WDR72: variants seen among roughly 807,000 people sequenced by gnomAD.
WDR72 encodes the protein WD repeat-containing protein 72.
WDR72 carries 120 observed loss-of-function variants against 124.2 expected under a neutral mutation model. The ratio of observed to expected loss-of-function variants is 0.97; its 90% CI spans 0.83 to 1.12. The LOEUF (loss-of-function observed/expected upper bound fraction) is 1.12. WDR72 is among the 50% of genes most tolerant of loss of function. WDR72 has a pLI of 0.00. For synonymous variants in WDR72, 452 were observed against 441.7 expected, an observed-to-expected ratio of 1.02 and a Z score of -0.29; for missense variants, 1,387 against 1,278.8, an observed-to-expected ratio of 1.08 and a Z score of -1.29.
intron 14 of WDR72, among the ~76,000 whole-genome samples, chr15:53,626,143 C>T (rs528670866): frequency 6.6e-5 from 10 of 152,252 alleles, no homozygotes; most frequent in African/African-American, 1.7e-4. Flanking sequence ...TCCAAAATAG[C>T]GGCAGGCCAC....
intron 1 of WDR72, among the ~76,000 whole-genome samples, chr15:53,744,517 G>C (rs1304248881): frequency 6.6e-6 from 1 of 152,120 alleles, no homozygotes; most frequent in African/African-American, 2.4e-5. Flanking sequence ...AATATATTTT[G>C]AAATAGAAAT....
chr15:53,575,500 G>T (rs1482149030), intron 18 of WDR72, among the ~76,000 whole-genome samples: 1 of 152,012 alleles, frequency 6.6e-6, no homozygotes, highest in Non-Finnish European at 1.5e-5. Context: ...TTACTACCAG[G>T]TATAAAGATG....
rs576983548 is a variant in WDR72 at position 53,740,845 on chromosome 15, C to A, written c.-12-7684G>T. ...ATTTTGTCCCTCTGAGCCTCAGTTT[C>A]CTCATCTATAATATGTGAACAATAA... On this transcript the variant is annotated intron_variant, in intron 1 of 19. Coordinates refer to ENST00000360509, the MANE Select transcript of WDR72 (RefSeq NM_182758.4). Among the ~76,000 whole-genome samples the A allele has an allele frequency of 3.9e-5, 6 of 152,272 alleles. No individual in the cohort carries two copies. The South Asian group carries it at 1.2e-3, about 32-fold the overall frequency.
chr15:53,641,869 T>A (rs1298877911), intron 14 of WDR72, among the ~76,000 whole-genome samples: 1 of 151,906 alleles, frequency 6.6e-6, no homozygotes, highest in Non-Finnish European at 1.5e-5. Flanking sequence ...CTATTAATAT[T>A]TTATATGCAG....
intron 11 of WDR72, among the ~76,000 whole-genome samples, chr15:53,702,558 C>T (rs763446427): frequency 2.0e-5 from 3 of 152,142 alleles, no homozygotes. Context: ...TGATGAAGCA[C>T]TACAGTTAGT....
At chr15:53,754,153 G>C (rs1465160462) in intron 1 of WDR72, among the ~76,000 whole-genome samples, 1 of 152,066 alleles carries the variant, frequency 6.6e-6, no homozygotes, top group Non-Finnish European at 1.5e-5. Flanking sequence ...ACTAAAGACT[G>C]TTTAGTCTAA....
intron 18 of WDR72, among the ~76,000 whole-genome samples, chr15:53,538,621 G>A (rs538659676): frequency 7.2e-5 from 11 of 152,110 alleles, no homozygotes; most frequent in African/African-American, 2.7e-4. Flanking sequence ...TGGGTGATGC[G>A]GAATGCATTA....
chr15:53,605,010 A>G (rs956086992), intron 17 of WDR72, among the ~76,000 whole-genome samples: 1 of 152,246 alleles, frequency 6.6e-6, no homozygotes, highest in African/African-American at 2.4e-5. Flanking sequence ...AGGAATATAA[A>G]TCATTCTATT....
intron 18 of WDR72, among the ~76,000 whole-genome samples, chr15:53,574,210 T>A (rs1320146046): frequency 6.6e-6 from 1 of 152,202 alleles, no homozygotes; most frequent in African/African-American, 2.4e-5. Context: ...AATTTAGCAG[T>A]AGGCATTGCT....
At chr15:53,625,992 T>A (rs1267952553) in intron 14 of WDR72, among the ~76,000 whole-genome samples, 1 of 152,188 alleles carries the variant, frequency 6.6e-6, no homozygotes, top group East Asian at 1.9e-4. Context: ...AAACGTACTT[T>A]CTAGCAACAT....
At chr15:53,746,692 T>C (rs1355437739) in intron 1 of WDR72, among the ~76,000 whole-genome samples, 3 of 152,186 alleles carry the variant, frequency 2.0e-5, no homozygotes, top group Non-Finnish European at 4.4e-5. Flanking sequence ...GATTTTTTTT[T>C]TCCAGAAAAC....
intron 19 of WDR72, among the ~76,000 whole-genome samples, chr15:53,521,959 G>A (rs567583223): frequency 1.3e-5 from 2 of 152,088 alleles, no homozygotes; most frequent in East Asian, 3.9e-4. Context: ...TATGGCAAGG[G>A]GTGGGGTTAA....
intron 18 of WDR72, among the ~76,000 whole-genome samples, chr15:53,543,655 T>C (rs1381643030): frequency 6.6e-6 from 1 of 150,942 alleles, no homozygotes; most frequent in Admixed American, 6.6e-5. Flanking sequence ...AGAGCAGAAC[T>C]GAAGGAAATA....
chr15:53,544,429 G>A (rs1448580304), intron 18 of WDR72, among the ~76,000 whole-genome samples: 4 of 123,616 alleles, frequency 3.2e-5, no homozygotes, highest in Non-Finnish European at 6.6e-5. Context: ...TATCTCAATA[G>A]ATGCAGAAAA....
chr15:53,721,108 C>T (rs887217969), intron 3 of WDR72, among the ~76,000 whole-genome samples: 3 of 152,054 alleles, frequency 2.0e-5, no homozygotes, highest in Non-Finnish European at 4.4e-5. Flanking sequence ...CTTATAGATA[C>T]AGCATAAGTT....
chr15:53,741,477 C>A (rs1027391367), intron 1 of WDR72, among the ~76,000 whole-genome samples: 10 of 152,192 alleles, frequency 6.6e-5, no homozygotes, highest in South Asian at 6.2e-4. Flanking sequence ...GTTATTACCA[C>A]ATTGTAAATA....
chr15:53,564,454 T>A (rs1283032808), intron 18 of WDR72, among the ~76,000 whole-genome samples: 1 of 151,852 alleles, frequency 6.6e-6, no homozygotes, highest in East Asian at 1.9e-4. Context: ...AAACATGCCA[T>A]GTATTATTAT....
chr15:53,657,053 A>G (rs2015445763), intron 14 of WDR72, among the ~76,000 whole-genome samples: 1 of 152,034 alleles, frequency 6.6e-6, no homozygotes, highest in African/African-American at 2.4e-5. Flanking sequence ...TCACAAGGTC[A>G]GGAGATCGAG....
chr15:53,730,675 GC>G (rs1231432858), intron 2 of WDR72, among the ~76,000 whole-genome samples: 1 of 152,028 alleles, frequency 6.6e-6, no homozygotes, highest in Non-Finnish European at 1.5e-5. Context: ...CTGAGATGCT[GC>G]CCTACGGTGA....
Sources: gnomAD v4.1 joint callset for allele counts (sites outside exome capture counted in the v4.1 genomes callset) on GRCh38, gnomAD v4.1.1 for gene constraint, MANE v1.5 for transcripts, NCBI Gene and HGNC (gene_info 2026-07-23, HGNC 2026-07-21) for gene names.